DLG1: variants seen among roughly 807,000 people sequenced by gnomAD.
DLG1 encodes the protein discs large MAGUK scaffold protein 1.
DLG1 carries 42 observed loss-of-function variants against 123.4 expected under a neutral mutation model. The ratio of observed to expected loss-of-function variants is 0.34; its 90% CI spans 0.27 to 0.44. DLG1 has a LOEUF of 0.44. Ranked by LOEUF, DLG1 falls within the 20% of genes least tolerant of loss-of-function variation. The pLI is 1.00. For missense variants in DLG1, 942 were observed against 1,082.6 expected, an observed-to-expected ratio of 0.87 and a Z score of 1.82; for synonymous variants, 317 against 356.2, an observed-to-expected ratio of 0.89 and a Z score of 1.24.
intron 24 of DLG1, among the ~76,000 whole-genome samples, chr3:197,050,129 A>C (rs1343181034): frequency 1.3e-5 from 2 of 152,166 alleles, no homozygotes; most frequent in African/African-American, 4.8e-5. Context: ...GCAATTTGGG[A>C]GGCCGAGTCG....
chr3:197,102,048 C>T (rs528739891), intron 14 of DLG1, among the ~76,000 whole-genome samples: 7 of 152,290 alleles, frequency 4.6e-5, no homozygotes, highest in East Asian at 1.9e-4. Context: ...TGAGCCACCA[C>T]GTCCAGCTAA....
chr3:197,051,392 G>A (rs1425862421), intron 24 of DLG1, among the ~76,000 whole-genome samples, 185 bp downstream of exon 24: 3 of 152,060 alleles, frequency 2.0e-5, no homozygotes, highest in South Asian at 2.1e-4. Context: ...ATTGCACTCC[G>A]CTTGGGTGAC....
chr3:197,110,080 C>A (rs1166330200), intron 13 of DLG1, among the ~76,000 whole-genome samples: 1 of 152,128 alleles, frequency 6.6e-6, no homozygotes, highest in Non-Finnish European at 1.5e-5. Flanking sequence ...ATTCTTTCTT[C>A]TTTTTTCTCT....
intron 23 of DLG1, among the ~76,000 whole-genome samples, chr3:197,057,372 G>A (rs182897160): frequency 6.6e-5 from 10 of 152,262 alleles, no homozygotes; most frequent in Non-Finnish European, 1.3e-4. Context: ...GTGAGCCGCC[G>A]CACCTGACAG....
At chr3:197,056,299 A>C (rs578098158) in intron 23 of DLG1, among the ~76,000 whole-genome samples, 3 of 152,328 alleles carry the variant, frequency 2.0e-5, no homozygotes, top group Admixed American at 6.5e-5. Context: ...GCAGTGTTGC[A>C]TACCAGGAAT....
intron 4 of DLG1, among the ~76,000 whole-genome samples, chr3:197,196,034 T>C (rs1057360890): frequency 6.6e-6 from 1 of 152,060 alleles, no homozygotes; most frequent in Non-Finnish European, 1.5e-5. Flanking sequence ...TTTGGCAGTA[T>C]GTTTCAAAAG....
At chr3:197,175,666 G>C (rs1212547907) in intron 5 of DLG1, among the ~76,000 whole-genome samples, 1 of 152,140 alleles carries the variant, frequency 6.6e-6, no homozygotes, top group African/African-American at 2.4e-5. Flanking sequence ...TATTTATCAA[G>C]TGCATTCTCC....
chr3:197,211,678 A>G (rs1731333048), intron 4 of DLG1, among the ~76,000 whole-genome samples: 1 of 146,698 alleles, frequency 6.8e-6, no homozygotes, highest in African/African-American at 2.4e-5. Flanking sequence ...GGGTTCAACC[A>G]TTGTAGAAAG....
chr3:197,078,510 T>A (rs1748772807), intron 17 of DLG1: 1 of 152,278 alleles, frequency 6.6e-6, no homozygotes, highest in Admixed American at 6.5e-5. Context: ...GATTTCAATC[T>A]TAAAGTTTGA....
chr3:197,164,436 A>G (rs949144747), intron 5 of DLG1, among the ~76,000 whole-genome samples: 5 of 152,028 alleles, frequency 3.3e-5, no homozygotes, highest in African/African-American at 1.2e-4. Flanking sequence ...TGACTTAGTA[A>G]TTCTAGAAAT....
At chr3:197,294,859 A>G (rs338213) in intron 3 of DLG1, among the ~76,000 whole-genome samples, 85,633 of 151,850 alleles carry the variant, frequency 0.56, 24,680 homozygotes, top group East Asian at 0.78. Flanking sequence ...AGTTACAGCC[A>G]TCACACAAAG....
chr3:197,259,773 T>C (rs570351910), intron 4 of DLG1, among the ~76,000 whole-genome samples: 1 of 152,184 alleles, frequency 6.6e-6, no homozygotes, highest in South Asian at 2.1e-4. Flanking sequence ...ACAAGTCTAA[T>C]CATTTTAAAT....
At chr3:197,079,550 G>GTTAACTTC (rs536598090) in intron 17 of DLG1, among the ~76,000 whole-genome samples, 25 of 152,284 alleles carry the variant, frequency 1.6e-4, no homozygotes, top group African/African-American at 6.0e-4. Flanking sequence ...CGTTAATTCA[G>GTTAACTTC]TTAACTTCTT....
chr3:197,139,043 T>C (rs1199648461), intron 8 of DLG1, among the ~76,000 whole-genome samples: 1 of 152,208 alleles, frequency 6.6e-6, no homozygotes, highest in East Asian at 1.9e-4. Context: ...TTGAAATTTA[T>C]ATAAAGATTA....
In DLG1 at chr3:197,044,641, C is replaced by T. The variant is rs545453988; in HGVS notation, c.2664G>A (p.Pro888=). 8.9e-5 allele frequency: 143 copies of T among 1,605,024 alleles called. 1 individual carries two copies. The South Asian group carries it at 1.3e-3, about 14-fold the overall frequency. The part of the protein sequence containing the change: ...EEQSGSYIWV[P]AKEKL Reference sequence around the variant, plus strand: ...TGAGTTTTCATAGCTTTTCTTTTGCCGGAACCCAGATGTAAGAACCAGATT... The same window carrying T: ...TGAGTTTTCATAGCTTTTCTTTTGCTGGAACCCAGATGTAAGAACCAGATT... The change falls in exon 25 of 25, where the codon CCG becomes CCA. Residue 888 remains proline (P), a synonymous_variant. Transcript: ENST00000667157.
chr3:197,240,801 TAA>T (rs1036575746), intron 4 of DLG1, among the ~76,000 whole-genome samples: 6 of 151,712 alleles, frequency 4.0e-5, no homozygotes, highest in Non-Finnish European at 5.9e-5. Flanking sequence ...GCTCTTGACA[TAA>T]GAGAGGATCA....
chr3:197,246,392 T>C (rs926252499), intron 4 of DLG1, among the ~76,000 whole-genome samples: 3 of 152,212 alleles, frequency 2.0e-5, no homozygotes, highest in African/African-American at 4.8e-5. Flanking sequence ...GTGGTTAGTG[T>C]TAAGTCATCT....
intron 4 of DLG1, among the ~76,000 whole-genome samples, chr3:197,242,330 C>CA (rs1219041547): frequency 5.3e-5 from 8 of 152,008 alleles, no homozygotes; most frequent in African/African-American, 1.9e-4. Context: ...GACTGCAATA[C>CA]AATAATAGTA....
intron 5 of DLG1, chr3:197,161,622 AAAG>A (rs755654636): frequency 2.6e-5 from 36 of 1,365,962 alleles, no homozygotes; most frequent in Non-Finnish European, 3.2e-5. Context: ...TATAAAGAAA[AAAG>A]AAACTAATAA....
Sources: gnomAD v4.1 joint callset for allele counts (sites outside exome capture counted in the v4.1 genomes callset) on GRCh38, gnomAD v4.1.1 for gene constraint, MANE v1.5 for transcripts, NCBI Gene and HGNC (gene_info 2026-07-23, HGNC 2026-07-21) for gene names.